Variants in ANKFN1 observed in about 807,000 individuals in gnomAD.
The protein encoded by ANKFN1 is ankyrin repeat and fibronectin type-III domain-containing protein 1.
ANKFN1 carries 74 observed loss-of-function variants against 108.7 expected under a neutral mutation model. The ratio of observed to expected loss-of-function variants is 0.68; its 90% CI spans 0.56 to 0.83. The LOEUF (loss-of-function observed/expected upper bound fraction) is 0.83, where lower values mean the gene tolerates loss of function less well. Among genes scored for constraint, ANKFN1 ranks in the 40% least tolerant of loss-of-function variants. ANKFN1 has a pLI of 0.00. For synonymous variants in ANKFN1, 547 were observed against 516.2 expected (o/e 1.06, Z -0.81); for missense variants, 1,505 against 1,382.3 (o/e 1.09, Z -1.41).
chr17:56,253,548 G>A (rs1366533377), intron 3 of ANKFN1, among the ~76,000 whole-genome samples: 4 of 152,084 alleles, frequency 2.6e-5, no homozygotes, highest in East Asian at 1.9e-4. Flanking sequence ...GACCAACCTG[G>A]CCAATATGGT....
chr17:56,275,616 G>A (rs2043908076), intron 3 of ANKFN1, among the ~76,000 whole-genome samples: 1 of 152,198 alleles, frequency 6.6e-6, no homozygotes, highest in Admixed American at 6.5e-5. Context: ...ATAGCAAGGA[G>A]ACTGTTTTGG....
chr17:56,221,704 GA>G (rs1178312100), intron 2 of ANKFN1, among the ~76,000 whole-genome samples: 1 of 152,202 alleles, frequency 6.6e-6, no homozygotes, highest in Non-Finnish European at 1.5e-5. Flanking sequence ...AAGCGATTTC[GA>G]ACACAGTTAT....
intron 18 of ANKFN1, among the ~76,000 whole-genome samples, chr17:56,487,730 C>A (rs2050900282): frequency 6.6e-6 from 1 of 152,146 alleles, no homozygotes; most frequent in Admixed American, 6.5e-5. Flanking sequence ...CGAAAGCACT[C>A]CTATAAGAGG....
At chr17:56,504,829 AT>A (rs5821133) in intron 20 of ANKFN1, among the ~76,000 whole-genome samples, 73,776 of 116,486 alleles carry the variant, frequency 0.63, 23,638 homozygotes, top group Admixed American at 0.73. Flanking sequence ...TAATTTTTGG[AT>A]TTTTTTTTTT....
chr17:56,334,017 C>A (rs1010063362), intron 4 of ANKFN1, among the ~76,000 whole-genome samples: 4 of 151,766 alleles, frequency 2.6e-5, no homozygotes, highest in Admixed American at 1.3e-4. Context: ...TAAAGCAAAC[C>A]CCATGGGATT....
At chr17:56,285,997 C>T (rs902075549) in intron 3 of ANKFN1, among the ~76,000 whole-genome samples, 1 of 152,058 alleles carries the variant, frequency 6.6e-6, no homozygotes, top group African/African-American at 2.4e-5. Flanking sequence ...TAATTATACC[C>T]CCTTTCACTT....
chr17:56,440,819 C>T lies in ANKFN1; in HGVS notation c.1008+395C>T, dbSNP rs902627878. The stretch of plus-strand genomic sequence containing the variant: ...ACCCTCATGCCCACAGCCTCAGCCT[C>T]GGTTGAGATCAGTCATCAATTGCAG... On this transcript the variant is annotated intron_variant, in intron 9 of 20. Transcript: ENST00000682825. Among the ~76,000 whole-genome samples, 6 of 151,820 alleles carry T rather than the reference C, an allele frequency of 4.0e-5. 1 individual carries two copies. The South Asian group carries it at 6.2e-4, about 16-fold the overall frequency.
intron 10 of ANKFN1, among the ~76,000 whole-genome samples, chr17:56,446,836 C>T (rs998214460): frequency 2.0e-5 from 3 of 152,136 alleles, no homozygotes; most frequent in South Asian, 2.1e-4. Flanking sequence ...ACTCAGGAGG[C>T]GGAGGTTGCA....
At chr17:56,417,582 C>T (rs1239721804) in intron 8 of ANKFN1, among the ~76,000 whole-genome samples, 1 of 152,136 alleles carries the variant, frequency 6.6e-6, no homozygotes, top group Non-Finnish European at 1.5e-5. Flanking sequence ...GGCACTGTGC[C>T]CAAGGTAGGG....
chr17:56,368,275 A>AATTTTTTTTTTTTTTTTTT (rs1396505310), intron 6 of ANKFN1: 4 of 31,508 alleles, frequency 1.3e-4, no homozygotes, highest in Admixed American at 8.6e-4. Flanking sequence ...CTGAAAATGA[A>AATTTTTTTTTTTTTTTTTT]CTTTTTTTTT....
chr17:56,370,590 A>G (rs934349067), intron 6 of ANKFN1, among the ~76,000 whole-genome samples: 17 of 152,318 alleles, frequency 1.1e-4, no homozygotes, highest in African/African-American at 3.8e-4. Context: ...CATTTTCTCT[A>G]TAATTTGGAG....
chr17:56,487,882 C>T (rs1206107822), intron 18 of ANKFN1, among the ~76,000 whole-genome samples: 1 of 152,162 alleles, frequency 6.6e-6, no homozygotes, highest in African/African-American at 2.4e-5. Flanking sequence ...GCAGAAGGGA[C>T]AGTATGTACA....
chr17:56,103,512 C>T (rs1474429961), intron 4 of ANKFN1, among the ~76,000 whole-genome samples: 1 of 152,138 alleles, frequency 6.6e-6, no homozygotes, highest in Admixed American at 6.5e-5. Context: ...AGCCCAGGGG[C>T]TTGCAGAGGG....
chr17:56,478,245 C>T (rs1204094359), intron 16 of ANKFN1, among the ~76,000 whole-genome samples: 3 of 152,184 alleles, frequency 2.0e-5, no homozygotes, highest in African/African-American at 7.2e-5. Flanking sequence ...ATGGTAAAAC[C>T]ACTGATGTTC....
intron 4 of ANKFN1, among the ~76,000 whole-genome samples, chr17:56,141,005 T>C (rs1261704921): frequency 3.3e-5 from 5 of 152,172 alleles, no homozygotes; most frequent in African/African-American, 7.2e-5. Context: ...ACTGGAGCTA[T>C]GCACGTAATG....
intron 1 of ANKFN1, among the ~76,000 whole-genome samples, chr17:56,175,889 G>A (rs1598182357): frequency 8.4e-6 from 1 of 118,812 alleles, no homozygotes; most frequent in Non-Finnish European, 1.6e-5. Context: ...CAGACGGTTT[G>A]AAATGGCTAG....
chr17:56,183,075 A>G (rs1201116734), intron 1 of ANKFN1, among the ~76,000 whole-genome samples: 1 of 152,242 alleles, frequency 6.6e-6, no homozygotes, highest in Non-Finnish European at 1.5e-5. Flanking sequence ...AATGCAGCTC[A>G]TCATCCAAGA....
intron 6 of ANKFN1, among the ~76,000 whole-genome samples, chr17:56,363,100 T>A (rs1308275396): frequency 6.6e-6 from 1 of 152,038 alleles, no homozygotes; most frequent in Non-Finnish European, 1.5e-5. Context: ...TCCCAGCTAC[T>A]GTAATCCCAG....
chr17:56,245,538 T>TC (rs1917898012), intron 3 of ANKFN1, among the ~76,000 whole-genome samples: 1 of 152,124 alleles, frequency 6.6e-6, no homozygotes, highest in Non-Finnish European at 1.5e-5. Context: ...AAACCCTAAA[T>TC]CCCATATGAA....
Sources: allele counts gnomAD v4.1 joint callset (sites outside exome capture counted in the v4.1 genomes callset), GRCh38; gene constraint gnomAD v4.1.1; transcripts MANE v1.5; gene names NCBI Gene and HGNC (gene_info 2026-07-23, HGNC 2026-07-21).